The following OCA2 variants were observed in gnomAD, a reference collection of about 807,000 sequenced individuals.
OCA2 encodes OCA2 melanosomal transmembrane protein.
OCA2 carries 77 observed loss-of-function variants against 100.2 expected under a neutral mutation model. The observed-to-expected ratio is 0.77, with a 90% CI of 0.64 to 0.93. The LOEUF (loss-of-function observed/expected upper bound fraction) is 0.93, where lower values mean the gene tolerates loss of function less well. Among genes scored for constraint, OCA2 ranks in the 40% least tolerant of loss-of-function variants. OCA2 has a pLI of 0.00. For synonymous variants in OCA2, 432 were observed against 439.2 expected (o/e 0.98, Z 0.21); for missense variants, 1,062 against 1,089.1 (o/e 0.98, Z 0.35).
intron 19 of OCA2, among the ~76,000 whole-genome samples, chr15:27,918,951 G>C (rs1245250707): frequency 1.3e-5 from 2 of 152,068 alleles, no homozygotes; most frequent in African/African-American, 2.4e-5. Flanking sequence ...GGTTAGTACA[G>C]ATAAAAGAGA....
intron 2 of OCA2, among the ~76,000 whole-genome samples, chr15:28,060,077 G>C (rs1310135436): frequency 3.3e-5 from 5 of 152,224 alleles, no homozygotes; most frequent in Admixed American, 3.3e-4. Context: ...CATTGCAGGA[G>C]CTCCCACCCC....
chr15:27,865,541 A>G (rs2036288255), intron 21 of OCA2, among the ~76,000 whole-genome samples: 1 of 152,130 alleles, frequency 6.6e-6, no homozygotes, highest in Admixed American at 6.5e-5. Context: ...GTCTCTCCTG[A>G]TGCATTTTCA....
At chr15:27,904,584 C>G (rs2038096769) in intron 19 of OCA2, among the ~76,000 whole-genome samples, 1 of 152,166 alleles carries the variant, frequency 6.6e-6, no homozygotes, top group Non-Finnish European at 1.5e-5. Context: ...GGAGCAGCAG[C>G]TCAGCCCCTC....
downstream of OCA2, among the ~76,000 whole-genome samples, chr15:27,752,709 G>T (rs1360908667): frequency 7.1e-6 from 1 of 141,576 alleles, no homozygotes; most frequent in Non-Finnish European, 1.5e-5. Flanking sequence ...GCTACCAAGT[G>T]TCTCATGCTG....
At chr15:27,975,117 G>C (rs113265181) in intron 14 of OCA2, among the ~76,000 whole-genome samples, 4 of 152,274 alleles carry the variant, frequency 2.6e-5, no homozygotes, top group African/African-American at 9.6e-5. Flanking sequence ...ATATTGTTTA[G>C]TTCAGAATAT....
At chr15:27,839,102 T>C (rs1241541937) in intron 23 of OCA2, among the ~76,000 whole-genome samples, 2 of 152,178 alleles carry the variant, frequency 1.3e-5, no homozygotes, top group Admixed American at 6.5e-5. Flanking sequence ...AATAAACTTA[T>C]CAGTGGTCAT....
At chr15:27,727,702 G>T in the OCA2 span, among the ~76,000 whole-genome samples, 106 of 152,308 alleles carry the variant, frequency 7.0e-4, no homozygotes, top group African/African-American at 2.4e-3. Context: ...TTCATCTGCA[G>T]ACAGTGAAGT....
chr15:27,960,062 A>T (rs1173246796), intron 15 of OCA2, among the ~76,000 whole-genome samples: 1 of 152,062 alleles, frequency 6.6e-6, no homozygotes, highest in Non-Finnish European at 1.5e-5. Flanking sequence ...GAGGTCCAAG[A>T]CCATAGACCC....
chr15:27,769,428 G>A (rs2031541886), intron 23 of OCA2, among the ~76,000 whole-genome samples: 2 of 152,180 alleles, frequency 1.3e-5, no homozygotes, highest in African/African-American at 4.8e-5. Context: ...GTTTCCAACA[G>A]AGCCTGGCTT....
the OCA2 span, among the ~76,000 whole-genome samples, chr15:27,722,645 C>T: frequency 4.8e-5 from 7 of 147,150 alleles, no homozygotes; most frequent in South Asian, 6.7e-4. Flanking sequence ...TTCCTTCCTT[C>T]CTTCTTTTCT....
intron 2 of OCA2, among the ~76,000 whole-genome samples, chr15:28,036,240 A>G (rs2043041680): frequency 6.6e-6 from 1 of 152,200 alleles, no homozygotes; most frequent in Non-Finnish European, 1.5e-5. Flanking sequence ...AACAAACACT[A>G]TGTGAGTCCT....
At chr15:27,900,579 C>T (rs1032809576) in intron 19 of OCA2, among the ~76,000 whole-genome samples, 1 of 152,170 alleles carries the variant, frequency 6.6e-6, no homozygotes, top group Non-Finnish European at 1.5e-5. Flanking sequence ...AGACAAGAAC[C>T]AAGGTATCAC....
intron 23 of OCA2, among the ~76,000 whole-genome samples, chr15:27,777,885 C>T (rs936757475): frequency 2.6e-5 from 4 of 152,138 alleles, no homozygotes; most frequent in African/African-American, 9.7e-5. Flanking sequence ...AGAAATTAGC[C>T]AGCCCTAACT....
intron 9 of OCA2, 140 bp from the exon 10 acceptor site, chr15:27,990,787 T>A: frequency 1.3e-6 from 1 of 788,268 alleles, no homozygotes; most frequent in Non-Finnish European, 2.2e-6. Flanking sequence ...GGTCTTGATG[T>A]TTCAGGCCTG....
At chr15:28,068,818 A>C (rs2044104228) in intron 2 of OCA2, among the ~76,000 whole-genome samples, 1 of 152,276 alleles carries the variant, frequency 6.6e-6, no homozygotes, top group East Asian at 1.9e-4. Flanking sequence ...GTTTCACCAC[A>C]TAAACAGAAT....
chr15:28,011,047 T>G (rs900694152), intron 9 of OCA2, among the ~76,000 whole-genome samples: 19 of 152,218 alleles, frequency 1.2e-4, no homozygotes, highest in Non-Finnish European at 1.9e-4. Flanking sequence ...CGATTAATTT[T>G]TAACCAAGGA....
chr15:27,899,852 C>T (rs2253508), intron 19 of OCA2, among the ~76,000 whole-genome samples: 17,286 of 152,196 alleles, frequency 0.11, 2,323 homozygotes, highest in African/African-American at 0.31. Context: ...CTGGGAAGCA[C>T]TGGTGTGGGA....
At chr15:28,020,321 G>A (rs949311758) in intron 6 of OCA2, among the ~76,000 whole-genome samples, 2 of 152,198 alleles carry the variant, frequency 1.3e-5, no homozygotes, top group Non-Finnish European at 2.9e-5. Context: ...TCTCATCTTA[G>A]TGACCTAAGC....
At chr15:27,905,889 C>T (rs1567087875) in intron 19 of OCA2, among the ~76,000 whole-genome samples, 5 of 152,202 alleles carry the variant, frequency 3.3e-5, no homozygotes, top group Admixed American at 3.3e-4. Flanking sequence ...TACAAGCCCA[C>T]ACTTCAAAAT....
Sources: gnomAD v4.1 joint callset for allele counts (sites outside exome capture counted in the v4.1 genomes callset) on GRCh38, gnomAD v4.1.1 for gene constraint, MANE v1.5 for transcripts, NCBI Gene and HGNC (gene_info 2026-07-23, HGNC 2026-07-21) for gene names.